PCLO: variants seen among roughly 807,000 people sequenced by gnomAD.
PCLO encodes the protein piccolo presynaptic cytomatrix protein, also known as protein piccolo.
PCLO carries 82 observed loss-of-function variants against 427.5 expected under a neutral mutation model. The ratio of observed to expected loss-of-function variants is 0.19; its 90% CI spans 0.16 to 0.23. PCLO has a LOEUF of 0.23. Ranked by LOEUF, PCLO falls within the 10% of genes least tolerant of loss-of-function variation. The pLI, the probability that PCLO is intolerant of heterozygous loss-of-function variation, is 1.00. For missense variants in PCLO, 6,239 were observed against 6,115.9 expected (o/e 1.02, Z -0.67); for synonymous variants, 2,357 against 2,155.4 (o/e 1.09, Z -2.59).
At chr7:82,947,706 A>G (rs10237694) in intron 6 of PCLO, among the ~76,000 whole-genome samples, 8,597 of 152,190 alleles carry the variant, frequency 0.056, 799 homozygotes, top group African/African-American at 0.2. Flanking sequence ...GGCTCAAAAC[A>G]CCTAGGGTTT....
intron 9 of PCLO, among the ~76,000 whole-genome samples, chr7:82,895,544 TG>T (rs1793882501): frequency 6.6e-6 from 1 of 151,802 alleles, no homozygotes; most frequent in African/African-American, 2.4e-5. Context: ...ATTGGGTCTT[TG>T]AAAAGATTGG....
intron 3 of PCLO, among the ~76,000 whole-genome samples, chr7:83,057,313 T>TATAC (rs1789406519): frequency 2.0e-5 from 1 of 49,930 alleles, no homozygotes; most frequent in African/African-American, 9.2e-5. Flanking sequence ...AATCATTATA[T>TATAC]ATACATATAT....
intron 14 of PCLO, among the ~76,000 whole-genome samples, chr7:82,839,257 C>T (rs1160819102): frequency 6.6e-6 from 1 of 152,012 alleles, no homozygotes; most frequent in Non-Finnish European, 1.5e-5. Flanking sequence ...AACAGATATG[C>T]TGCATTTATA....
Position 83,155,509 on chromosome 7 carries a change from A to G in PCLO, c.1132T>C (p.Ser378Pro), listed in dbSNP as rs1183488202. The change falls in exon 2 of 25, where the codon TCA becomes CCA. Residue 378 changes from serine (S) to proline (P), a missense_variant. Physicochemically the swap from Ser to Pro is moderately conservative, Grantham distance 74. This residue lies in a region of PCLO where 4,677 missense variants were observed against 4,468.4 expected (regional missense o/e 1.05). Coordinates refer to ENST00000333891, the MANE Select transcript of PCLO (RefSeq NM_033026.6). ...PAKPPAQQTG[S>P]EKPSSEQPGP... ...GGCTGCTCCGATGAAGGCTTCTCTG[A>G]CCCAGTCTGCTGAGCTGGAGGCTTA... 1 of 1,397,640 alleles carries G rather than the reference A, an allele frequency of 7.2e-7. No homozygotes were observed. 86.6% of individuals were successfully genotyped at this position (1,397,640 alleles called of 1,614,324 possible).
chr7:83,041,261 C>T (rs1390451639), intron 3 of PCLO, among the ~76,000 whole-genome samples: 1 of 151,952 alleles, frequency 6.6e-6, no homozygotes, highest in South Asian at 2.1e-4. Context: ...GTCAGACATA[C>T]GAAACAATAA....
rs553658625 is a variant in PCLO, at chr7:82,882,652, T to A, written c.13529-3190A>T. ...AGAAAACCTTCAAAGGTTGGGATATTTATAGAAAAGAGAAATTCAATGATA... is the reference window on the plus strand; with the variant it reads ...AGAAAACCTTCAAAGGTTGGGATATATATAGAAAAGAGAAATTCAATGATA... On this transcript the variant is annotated intron_variant, in intron 9 of 24. Coordinates refer to ENST00000333891, the MANE Select transcript of PCLO (RefSeq NM_033026.6). Among the ~76,000 whole-genome samples the A allele has an allele frequency of 2.0e-5, 3 of 152,200 alleles. No individual in the cohort carries two copies. The East Asian group carries it at 5.8e-4, about 29-fold the overall frequency.
At chr7:83,076,451 CAG>C (rs1399925031) in intron 3 of PCLO, among the ~76,000 whole-genome samples, 1 of 151,880 alleles carries the variant, frequency 6.6e-6, no homozygotes, top group Admixed American at 6.6e-5. Context: ...TTAGTAGAGA[CAG>C]AGTTTCACCA....
chr7:83,127,307 AAAAT>A (rs1435198984), intron 3 of PCLO, among the ~76,000 whole-genome samples: 1 of 150,424 alleles, frequency 6.6e-6, no homozygotes, highest in African/African-American at 2.5e-5. Context: ...TATTTGTTTC[AAAAT>A]AAATAATTTT....
intron 3 of PCLO, among the ~76,000 whole-genome samples, chr7:83,024,796 C>A (rs772901872): frequency 6.6e-6 from 1 of 152,156 alleles, no homozygotes; most frequent in Non-Finnish European, 1.5e-5. Flanking sequence ...GGGTCCCTGA[C>A]TCCTGACCCC....
chr7:83,161,154 T>C (rs1215261081), intron 1 of PCLO, among the ~76,000 whole-genome samples: 1 of 152,218 alleles, frequency 6.6e-6, no homozygotes, highest in Non-Finnish European at 1.5e-5. Context: ...GTGAAAATAT[T>C]GTCACTATCC....
At chr7:83,143,803 C>T (rs553970427) in intron 2 of PCLO, among the ~76,000 whole-genome samples, 3 of 152,190 alleles carry the variant, frequency 2.0e-5, no homozygotes, top group Non-Finnish European at 4.4e-5. Context: ...TGCATTAACA[C>T]TTCTAAACTG....
chr7:82,916,559 T>C lies in PCLO; in HGVS notation c.11427A>G (p.Lys3809=), dbSNP rs1794471319. The stretch of plus-strand genomic sequence containing the variant: ...TTTCTCTCTCCTTTAATAGGGCCTC[T>C]TTCCTCCTGTTAATTCCCATTTCCA... ...RYLEMGINRR[K]EALLKEREKR... The change falls in exon 7 of 25, where the codon AAA becomes AAG. Residue 3809 remains lysine (K), a synonymous_variant. Coordinates refer to ENST00000333891, the MANE Select transcript of PCLO (RefSeq NM_033026.6). 3.7e-6 allele frequency: 6 copies of C among 1,613,680 alleles called. No individual in the cohort carries two copies. The highest frequency in any genetic ancestry group is 5.1e-6 in the Non-Finnish European group (6 of 1,179,714).
intron 4 of PCLO, among the ~76,000 whole-genome samples, chr7:82,961,812 C>G (rs1262384475): frequency 1.3e-5 from 2 of 152,052 alleles, no homozygotes; most frequent in African/African-American, 4.8e-5. Flanking sequence ...GTTTATTGTT[C>G]AGTTATGCAG....
At chr7:82,801,341 G>A (rs1364126841) in intron 22 of PCLO, among the ~76,000 whole-genome samples, 177 bp downstream of exon 22, 1 of 151,440 alleles carries the variant, frequency 6.6e-6, no homozygotes, top group African/African-American at 2.4e-5. Flanking sequence ...TGAGAAAATT[G>A]GGGAATTGTA....
rs1390343890 is a variant in PCLO at position 82,956,302 on chromosome 7, C to T, written c.4651G>A (p.Glu1551Lys). The part of the protein sequence containing the change: ...YKQEDSQGSG[E>K]EEDFIRKQII... ...TGTTTTCGAATGAAGTCCTCCTCTTCCCCTGATCCTTGGCTGTCTTCCTGT... is the reference window on the plus strand; with the variant it reads ...TGTTTTCGAATGAAGTCCTCCTCTTTCCCTGATCCTTGGCTGTCTTCCTGT... Residue 1551 changes from glutamate to lysine, a missense_variant, in exon 5 of 25, where the codon GAA (glutamate) becomes AAA (lysine). Glu to Lys is a moderately conservative substitution (Grantham distance 56). Around this residue, in one of 5 missense-constraint regions of PCLO, gnomAD observed 4,677 missense variants for 4,468.4 expected, o/e 1.05. Coordinates refer to ENST00000333891, the MANE Select transcript of PCLO (RefSeq NM_033026.6). 7 of 1,612,942 alleles carry T rather than the reference C, an allele frequency of 4.3e-6. No homozygotes were observed. The Admixed American group carries it at 5.0e-5, about 12-fold the overall frequency.
At chr7:82,862,795 A>G (rs1427736708) in intron 10 of PCLO, among the ~76,000 whole-genome samples, 1 of 151,988 alleles carries the variant, frequency 6.6e-6, no homozygotes, top group Non-Finnish European at 1.5e-5. Context: ...GTGGGATCTA[A>G]AAATCAAAAC....
At chr7:82,780,099 T>C (rs1790841229) in intron 22 of PCLO, among the ~76,000 whole-genome samples, 1 of 152,182 alleles carries the variant, frequency 6.6e-6, no homozygotes, top group South Asian at 2.1e-4. Context: ...TACATTTGGT[T>C]GGCAGGAACA....
intron 6 of PCLO, among the ~76,000 whole-genome samples, chr7:82,929,229 T>C (rs1177409109): frequency 6.6e-6 from 1 of 152,110 alleles, no homozygotes; most frequent in Non-Finnish European, 1.5e-5. Context: ...TTAAAATACA[T>C]CAAAGCTTAC....
intron 22 of PCLO, among the ~76,000 whole-genome samples, chr7:82,794,870 C>A (rs1376814974): frequency 6.6e-6 from 1 of 152,052 alleles, no homozygotes; most frequent in African/African-American, 2.4e-5. Context: ...ATTTAGTGAT[C>A]ATACAAGTTA....
Sources: gnomAD v4.1 joint callset for allele counts (sites outside exome capture counted in the v4.1 genomes callset) on GRCh38, gnomAD v4.1.1 for gene constraint, gnomAD v4.1.1 regional missense constraint, MANE v1.5 for transcripts, NCBI Gene and HGNC (gene_info 2026-07-23, HGNC 2026-07-21) for gene names.